LEPR: variants seen among roughly 807,000 people sequenced by gnomAD.
The protein encoded by LEPR is leptin receptor.
In LEPR, 56 loss-of-function variants were observed where a neutral mutation model predicts 114.7. The ratio of observed to expected loss-of-function variants is 0.49; its 90% CI spans 0.39 to 0.61. The LOEUF is 0.61. Ranked by LOEUF, LEPR falls within the 20% of genes least tolerant of loss-of-function variation. The pLI is 0.00. For missense variants in LEPR, 1,202 were observed against 1,352.9 expected (o/e 0.89, Z 1.75); for synonymous variants, 443 against 461.4 (o/e 0.96, Z 0.51).
At chr1:65,475,333 C>G (rs76341778) in intron 2 of LEPR, among the ~76,000 whole-genome samples, 11,268 of 152,198 alleles carry the variant, frequency 0.074, 508 homozygotes, top group African/African-American at 0.12. Context: ...GTATTCTGTT[C>G]CAAAGGAACC....
intron 3 of LEPR, among the ~76,000 whole-genome samples, chr1:65,568,186 T>C (rs1653907063): frequency 6.6e-6 from 1 of 152,212 alleles, no homozygotes; most frequent in African/African-American, 2.4e-5. Flanking sequence ...ATATAGTCTT[T>C]TCATACTGGT....
chr1:65,557,617 A>G (rs1302664639), intron 2 of LEPR, among the ~76,000 whole-genome samples: 7 of 152,100 alleles, frequency 4.6e-5, no homozygotes, highest in Non-Finnish European at 2.9e-5. Flanking sequence ...ACAGTGTTTC[A>G]CTATGTTGGC....
At chr1:65,621,563 T>C in intron 18 of LEPR, 105 bp downstream of exon 18, 1 of 924,630 alleles carries the variant, frequency 1.1e-6, no homozygotes, top group Non-Finnish European at 1.7e-6. Flanking sequence ...TTCTAAGTGC[T>C]TTTATATGTA....
At chr1:65,449,773 TTTA>T (rs920560345) in intron 2 of LEPR, among the ~76,000 whole-genome samples, 4 of 152,064 alleles carry the variant, frequency 2.6e-5, no homozygotes, top group Non-Finnish European at 5.9e-5. Flanking sequence ...TGCTTTCATT[TTTA>T]TTATTTCTTA....
chr1:65,535,928 A>G (rs1215788043), intron 2 of LEPR, among the ~76,000 whole-genome samples: 21 of 152,074 alleles, frequency 1.4e-4, no homozygotes, highest in Admixed American at 1.4e-3. Flanking sequence ...CACTCTATGG[A>G]ATCTTTTATA....
At chr1:65,503,366 A>C in intron 2 of LEPR, among the ~76,000 whole-genome samples, 1 of 152,204 alleles carries the variant, frequency 6.6e-6, no homozygotes, top group South Asian at 2.1e-4. Context: ...ACATGACTAA[A>C]CAATTAACAA....
rs542760286 is a variant in LEPR at position 65,440,185 on chromosome 1, AT to A, written c.-21+14812del. On this transcript the variant is annotated intron_variant, in intron 2 of 19. Coordinates refer to ENST00000349533, the MANE Select transcript of LEPR (RefSeq NM_002303.6). ...AGAAGGAATCAACACGATGGGACCT[AT>A]TTTTAGGTCTACTCTTTCGATTCTT... 2.8e-3 allele frequency among the ~76,000 whole-genome samples: 433 copies of A among 152,136 alleles called. 3 individuals carry two copies. The highest frequency in any genetic ancestry group is 6.9e-3 in the Admixed American group (106 of 15,280).
At chr1:65,621,273 G>T in intron 17 of LEPR, 80 bp from the exon 18 acceptor site, 2 of 1,186,440 alleles carry the variant, frequency 1.7e-6, no homozygotes, top group Middle Eastern at 2.6e-4. Flanking sequence ...TTCAGAAAAT[G>T]TCTACTATAA....
chr1:65,616,158 G>A lies in LEPR; in HGVS notation c.2146G>A (p.Ala716Thr). ...GCAAGCACATACTGTTACGGTTCTG[G>A]CCATCAATTCAATTGGTGCTTCTGT... ...TEQAHTVTVL[A>T]INSIGASVAN... Residue 716 changes from alanine to threonine, a missense_variant, in exon 15 of 20, where the codon GCC becomes ACC. Coordinates refer to ENST00000349533, the MANE Select transcript of LEPR (RefSeq NM_002303.6). 3 of 1,614,066 alleles carry A rather than the reference G, an allele frequency of 1.9e-6. No individual in the cohort carries two copies. The highest frequency in any genetic ancestry group is 2.5e-6 in the Non-Finnish European group (3 of 1,179,966).
intron 2 of LEPR, among the ~76,000 whole-genome samples, chr1:65,438,040 C>A (rs1467696305): frequency 2.7e-5 from 4 of 148,512 alleles, no homozygotes; most frequent in African/African-American, 9.9e-5. Context: ...ACCCTGGCCT[C>A]AAGCAATCTT....
intron 7 of LEPR, among the ~76,000 whole-genome samples, chr1:65,597,008 AT>A (rs1656109171): frequency 6.6e-6 from 1 of 152,102 alleles, no homozygotes; most frequent in Non-Finnish European, 1.5e-5. Context: ...CTGCTAGGTC[AT>A]TTTAGCAGGA....
chr1:65,422,469 A>C (rs1646269987), intron 1 of LEPR, among the ~76,000 whole-genome samples: 1 of 152,250 alleles, frequency 6.6e-6, no homozygotes, highest in Non-Finnish European at 1.5e-5. Context: ...CTGTCAGAAG[A>C]TAAATTTCTG....
rs1166539065 is a variant in LEPR, at chr1:65,619,988, T to G, written c.2456T>G (p.Val819Gly). Reference protein sequence around the residue: ...FSLYPIFMEGVGKPKIINSFT... With the variant: ...FSLYPIFMEGGGKPKIINSFT... ...CTTTACCCAATATTTATGGAAGGAG[T>G]GGGAAAACCAAAGATAATTAATAGT... The change falls in exon 17 of 20, where the codon GTG becomes GGG. Residue 819 changes from valine to glycine, a missense_variant. Coordinates refer to ENST00000349533, the MANE Select transcript of LEPR (RefSeq NM_002303.6). 2 of 1,611,994 alleles carry G rather than the reference T, an allele frequency of 1.2e-6. No individual in the cohort carries two copies. Among genetic ancestry groups the G allele is most frequent in the Non-Finnish European group, 1.7e-6 (2 of 1,178,486 alleles).
intron 2 of LEPR, among the ~76,000 whole-genome samples, chr1:65,526,915 T>C (rs911823206): frequency 3.3e-5 from 5 of 152,224 alleles, no homozygotes; most frequent in African/African-American, 1.2e-4. Flanking sequence ...TTTATATGCA[T>C]TTATGACTTA....
intron 2 of LEPR, among the ~76,000 whole-genome samples, chr1:65,468,049 C>T (rs548280517): frequency 1.3e-5 from 2 of 152,342 alleles, no homozygotes; most frequent in South Asian, 4.1e-4. Context: ...GCTGCACCCA[C>T]TGTCCAACCA....
At chr1:65,563,891 TGAG>T (rs1357359499) in intron 2 of LEPR, among the ~76,000 whole-genome samples, 1 of 138,902 alleles carries the variant, frequency 7.2e-6, no homozygotes, top group Admixed American at 7.0e-5. Context: ...GGAACCCACT[TGAG>T]GAGGCAGTCT....
At chr1:65,518,903 TTCTTTCTTTCTTTCTC>T (rs1649453727) in intron 2 of LEPR, among the ~76,000 whole-genome samples, 4 of 112,418 alleles carry the variant, frequency 3.6e-5, no homozygotes, top group Admixed American at 1.8e-4. Flanking sequence ...CTTTCTTTCT[TTCTTTCTTTCTTTCTC>T]TCTTTCTCTG....
At chr1:65,540,697 A>G (rs1651128867) in intron 2 of LEPR, among the ~76,000 whole-genome samples, 1 of 152,200 alleles carries the variant, frequency 6.6e-6, no homozygotes, top group African/African-American at 2.4e-5. Flanking sequence ...AGAATGGACT[A>G]ACACACTAAT....
intron 2 of LEPR, among the ~76,000 whole-genome samples, chr1:65,436,860 T>C (rs573753532): frequency 6.6e-6 from 1 of 152,390 alleles, no homozygotes; most frequent in South Asian, 2.1e-4. Flanking sequence ...AGTTCAACTT[T>C]AGCTGGATAA....
Sources: allele counts gnomAD v4.1 joint callset (sites outside exome capture counted in the v4.1 genomes callset), GRCh38; gene constraint gnomAD v4.1.1; transcripts MANE v1.5; gene names NCBI Gene and HGNC (gene_info 2026-07-23, HGNC 2026-07-21).